ARX: variants seen among roughly 807,000 people sequenced by gnomAD.
The protein encoded by ARX is aristaless related homeobox.
ARX carries 1 observed loss-of-function variant against 23.1 expected under a neutral mutation model. The observed-to-expected ratio is 0.04, with a 90% CI of 0.02 to 0.21. ARX has a LOEUF of 0.21. Ranked by LOEUF, ARX falls within the 10% of genes least tolerant of loss-of-function variation. The pLI is 1.00. For synonymous variants in ARX, 301 were observed against 270.1 expected (o/e 1.11, Z -1.12); for missense variants, 380 against 527.5 (o/e 0.72, Z 2.74).
In ARX at chrX:25,007,207, G is replaced by A. The variant is rs1189134445; in HGVS notation, c.1352C>T (p.Ala451Val). The A allele has an allele frequency of 8.6e-7, 1 of 1,164,760 alleles. No homozygotes were observed. The highest frequency in any genetic ancestry group is 2.4e-5 in the Admixed American group (1 of 40,928). ...FPSLPPPPGS[A>V]SLPPSGAPLG... is the part of the protein sequence containing the mutation. ...CGGCGCCCCGCTGGGCGGCAGGCTGGCCGAGCCCGGAGGCGGAGGTAGGCT... is the reference window on the plus strand; with the variant it reads ...CGGCGCCCCGCTGGGCGGCAGGCTGACCGAGCCCGGAGGCGGAGGTAGGCT... Residue 451 changes from alanine to valine, a missense_variant, in exon 4 of 5, where the codon GCC becomes GTC. Coordinates refer to ENST00000379044, the MANE Select transcript of ARX (RefSeq NM_139058.3).
At position 25,013,108 on chromosome X, in the gene ARX, A is replaced by C. The variant is rs754014755; in HGVS notation, c.887T>G (p.Leu296Arg). 8.3e-7 allele frequency: 1 copy of C among 1,203,204 alleles called. No individual in the cohort carries two copies. The highest frequency in any genetic ancestry group is 3.0e-5 in the East Asian group (1 of 33,529). The change falls in exon 2 of 5, where the codon CTG (leucine) becomes CGG (arginine). Residue 296 changes from leucine (L) to arginine (R), a missense_variant. By Grantham distance (102) the Leu-to-Arg change is moderately radical. Coordinates refer to ENST00000379044, the MANE Select transcript of ARX (RefSeq NM_139058.3). ...GCCCTCAGCGTCTTCCGGGTGCAGC[A>C]GCAGCTCCTCCTTGGGTGACAGCTC... ...GGELSPKEEL[L>R]LHPEDAEGKD...
chrX:25,013,044 G>A lies in ARX; in HGVS notation c.951C>T (p.Ser317=), dbSNP rs2048708727. The A allele has an allele frequency of 1.7e-6, 2 of 1,198,944 alleles. No individual in the cohort carries two copies. Among genetic ancestry groups the A allele is most frequent in the Non-Finnish European group, 2.2e-6 (2 of 889,315 alleles). The change falls in exon 2 of 5, where the codon AGC becomes AGT. Residue 317 remains serine (S), a synonymous_variant. Transcript: ENST00000379044. The part of the protein sequence containing the change: ...GEDSVCLSAG[S]DSEEGLLKRK... ...GTTTCAGCAGCCCCTCCTCCGAGTCGCTGCCCGCAGAGAGGCACACGCTGT... is the reference window on the plus strand; with the variant it reads ...GTTTCAGCAGCCCCTCCTCCGAGTCACTGCCCGCAGAGAGGCACACGCTGT...
At chrX:25,009,193 A>G (rs1465750702) in intron 3 of ARX, among the ~76,000 whole-genome samples, 1 of 111,908 alleles carries the variant, frequency 8.9e-6, no homozygotes, top group Non-Finnish European at 1.9e-5. Flanking sequence ...GCAATTCCTC[A>G]TTATTGAATT....
At chrX:25,008,377 G>C (rs2048687866) in intron 3 of ARX, among the ~76,000 whole-genome samples, 2 of 112,799 alleles carry the variant, frequency 1.8e-5, no homozygotes, top group Admixed American at 1.9e-4. Context: ...TTTCCTTTTG[G>C]AGATGTGTTT....
Position 25,004,300 on chromosome X carries a change from C to T in ARX, c.*370G>A. 5.7e-6 allele frequency: 1 copy of T among 175,089 alleles called. No homozygotes were observed. Among genetic ancestry groups the T allele is most frequent in the Non-Finnish European group, 1.1e-5 (1 of 94,629 alleles). The allele number at this position is 175,089 out of a possible 1,213,427, so 14.4% of individuals were successfully genotyped here. ...AAGAAAGAAAGAAAGAAAAGAAAGG[C>T]TAAGTGGGGTGTCAGGAGGAAGAGG... On this transcript the variant is annotated 3_prime_UTR_variant, in exon 5 of 5. Coordinates refer to ENST00000379044, the MANE Select transcript of ARX (RefSeq NM_139058.3).
Position 25,003,983 on chromosome X carries a change from GTTCT to G in ARX, c.*683_*686del, listed in dbSNP as rs1373737011. On this transcript the variant is annotated 3_prime_UTR_variant, in exon 5 of 5. Transcript: ENST00000379044. ...TAACATTTCAAATATACAAAGCTCT[GTTCT>G]TTTTTTTTTTTTTTTAATAACAATG... 5 of 81,914 alleles carry G rather than the reference GTTCT, an allele frequency of 6.1e-5. No individual in the cohort carries two copies. The highest frequency in any genetic ancestry group is 5.7e-4 in the Admixed American group (4 of 6,964). 6.8% of individuals were successfully genotyped at this position (81,914 alleles called of 1,213,427 possible). A position where few individuals can be genotyped will look rare whatever the true frequency, so the allele number is the denominator to read the frequency against.
Position 25,015,810 on chromosome X carries a change from G to T in ARX, c.-73C>A. 1 of 1,021,962 alleles carries T rather than the reference G, an allele frequency of 9.8e-7. No individual in the cohort carries two copies. Among genetic ancestry groups the T allele is most frequent in the Non-Finnish European group, 1.4e-6 (1 of 739,388 alleles). The allele number at this position is 1,021,962 out of a possible 1,213,427, so 84.2% of individuals were successfully genotyped here. On this transcript the variant is annotated 5_prime_UTR_variant, in exon 1 of 5. Transcript: ENST00000379044. ...CTCCCGGAGGGTGGGATGGATGGGTGTGTGTTGGGGGTGGGGTTAGATAGC... is the reference window on the plus strand; with the variant it reads ...CTCCCGGAGGGTGGGATGGATGGGTTTGTGTTGGGGGTGGGGTTAGATAGC...
At position 25,013,542 on chromosome X, in the gene ARX, C is replaced by G. The variant is rs878855205; in HGVS notation, c.453G>C (p.Ala151=). The change falls in exon 2 of 5, where the codon GCG becomes GCC. Residue 151 remains alanine (A), a synonymous_variant. Transcript: ENST00000379044. Reference sequence around the variant, plus strand: ...TGAGCGTGTCCCAGGCCGCGGCGGCCGCGGCCGCGGCTGCCGCGGCGGCCC... The same window carrying G: ...TGAGCGTGTCCCAGGCCGCGGCGGCGGCGGCCGCGGCTGCCGCGGCGGCCC... The part of the protein sequence containing the change: ...GAGAAAAAAA[A]AAAAWDTLKI... The G allele has an allele frequency of 1.8e-4, 140 of 789,126 alleles. No individual in the cohort carries two copies. Among genetic ancestry groups the G allele is most frequent in the Non-Finnish European group, 2.1e-4 (139 of 666,323 alleles). 65.0% of individuals were successfully genotyped at this position (789,126 alleles called of 1,213,427 possible).
intron 3 of ARX, 114 bp downstream of exon 3, chrX:25,010,146 T>C (rs773329630): frequency 1.2e-6 from 1 of 845,581 alleles, no homozygotes; most frequent in East Asian, 3.4e-5. Flanking sequence ...CTGCTTCTCT[T>C]GGTTTTGTGA....
At chrX:25,012,356 G>A (rs1286882643) in intron 2 of ARX, among the ~76,000 whole-genome samples, 1 of 112,881 alleles carries the variant, frequency 8.9e-6, no homozygotes, top group African/African-American at 3.2e-5. Context: ...GACAGAACTC[G>A]GATCTTTTTA....
Position 25,015,790 on chromosome X carries a change from G to A in ARX, c.-53C>T, listed in dbSNP as rs1214652798. The A allele has an allele frequency of 8.9e-7, 1 of 1,122,869 alleles. No homozygotes were observed. Among genetic ancestry groups the A allele is most frequent in the Non-Finnish European group, 1.2e-6 (1 of 829,840 alleles). The allele number at this position is 1,122,869 out of a possible 1,213,427, so 92.5% of individuals were successfully genotyped here. A position where few individuals can be genotyped will look rare whatever the true frequency, so the allele number is the denominator to read the frequency against. On this transcript the variant is annotated 5_prime_UTR_variant, in exon 1 of 5. Transcript: ENST00000379044. ...GAGCGGATCGCCGGCTGCCTCTCCC[G>A]GAGGGTGGGATGGATGGGTGTGTGT...
At chrX:25,011,560 A>G (rs182333875) in intron 2 of ARX, among the ~76,000 whole-genome samples, 1 of 113,344 alleles carries the variant, frequency 8.8e-6, no homozygotes, top group African/African-American at 3.2e-5. Context: ...GACAGCACAC[A>G]TAGGTTTTCA....
intron 3 of ARX, among the ~76,000 whole-genome samples, chrX:25,009,205 A>G (rs2048691596): frequency 8.9e-6 from 1 of 112,056 alleles, no homozygotes; most frequent in South Asian, 3.8e-4. Flanking sequence ...TATTGAATTA[A>G]TACCTCTGAG....
intron 1 of ARX, among the ~76,000 whole-genome samples, chrX:25,015,026 G>A (rs1354010756): frequency 8.9e-6 from 1 of 112,425 alleles, no homozygotes; most frequent in Non-Finnish European, 1.9e-5. Flanking sequence ...GAGAATCCCA[G>A]GAAGATGTTT....
At position 25,010,290 on chromosome X, in the gene ARX, C is replaced by A; in HGVS notation, c.1089G>T (p.Met363Ile). 1 of 1,209,996 alleles carries A rather than the reference C, an allele frequency of 8.3e-7. No individual in the cohort carries two copies. The part of the protein sequence containing the change: ...PDVFTREELA[M>I]RLDLTEARVQ... ...CTCGGGCCTCGGTCAAGTCCAGCCTCATGGCCAGTTCCTCCCTATAAGAAA... is the reference window on the plus strand; with the variant it reads ...CTCGGGCCTCGGTCAAGTCCAGCCTAATGGCCAGTTCCTCCCTATAAGAAA... The change falls in exon 3 of 5, where the codon ATG becomes ATT. Residue 363 changes from methionine (M) to isoleucine (I), a missense_variant. Transcript: ENST00000379044.
At chrX:25,008,231 A>AT (rs2048687118) in intron 3 of ARX, among the ~76,000 whole-genome samples, 1 of 112,710 alleles carries the variant, frequency 8.9e-6, no homozygotes, top group South Asian at 3.7e-4. Flanking sequence ...TTGGCAGGGG[A>AT]TCCCTGCAGG....
rs776523818 is a variant in ARX, at chrX:25,007,373, G to C, written c.1186C>G (p.Pro396Ala). 10 of 1,152,098 alleles carry C rather than the reference G, an allele frequency of 8.7e-6. No homozygotes were observed. Among genetic ancestry groups the C allele is most frequent in the Middle Eastern group, 2.6e-4 (1 of 3,824 alleles). The allele number at this position is 1,152,098 out of a possible 1,213,427, so 94.9% of individuals were successfully genotyped here. ...AGCGGCCCCGGGAAGGGCAGCCCAG[G>C]GGGGTGGGTCTGCGCGCCTGCCTTC... ...REKAGAQTHP[P>A]GLPFPGPLSA... Residue 396 changes from proline (P) to alanine (A), a missense_variant, in exon 4 of 5, where the codon CCT becomes GCT. By Grantham distance (27) the Pro-to-Ala change is conservative (BLOSUM62 -1). Around this residue, in one of 3 missense-constraint regions of ARX, gnomAD observed 121 missense variants for 169.7 expected, o/e 0.71. Transcript: ENST00000379044.
intron 4 of ARX, among the ~76,000 whole-genome samples, chrX:25,005,357 A>G (rs2048673354): frequency 8.9e-6 from 1 of 111,910 alleles, no homozygotes; most frequent in Admixed American, 9.3e-5. Context: ...GGAGGAAAAA[A>G]AAGACGGAGA....
intron 4 of ARX, 149 bp from the exon 5 acceptor site, chrX:25,005,059 C>A: frequency 1.2e-6 from 1 of 837,245 alleles, no homozygotes; most frequent in South Asian, 3.8e-5. Flanking sequence ...GGGCAGAGGG[C>A]GCGGGCGGAA....
Sources: gnomAD v4.1 joint callset for allele counts (sites outside exome capture counted in the v4.1 genomes callset) on GRCh38, gnomAD v4.1.1 for gene constraint, gnomAD v4.1.1 regional missense constraint, MANE v1.5 for transcripts, NCBI Gene and HGNC (gene_info 2026-07-23, HGNC 2026-07-21) for gene names.